The following WDR20 variants were observed in gnomAD, a reference collection of about 807,000 sequenced individuals.
WDR20 encodes the protein WD repeat domain 20, also known as WD repeat-containing protein 20.
Under a neutral mutation model 38.7 loss-of-function variants are expected in WDR20, and 3 were observed. That is an observed-to-expected ratio of 0.08 (90% CI 0.04 to 0.20). The LOEUF is 0.20. Among genes scored for constraint, WDR20 ranks in the 10% least tolerant of loss-of-function variants. The pLI is 1.00. For missense variants in WDR20, 559 were observed against 727.7 expected (o/e 0.77, Z 2.67); for synonymous variants, 298 against 285.6 (o/e 1.04, Z -0.44).
In WDR20 at chr14:102,141,865, A is replaced by G. The variant is rs1434281160; in HGVS notation, c.249+1693A>G. Among the ~76,000 whole-genome samples the G allele has an allele frequency of 2.0e-5, 3 of 152,322 alleles. No homozygotes were observed. In the East Asian group the frequency reaches 5.8e-4, roughly 29 times the overall value. On this transcript the variant is annotated intron_variant, in intron 1 of 2. Coordinates refer to ENST00000342702, the MANE Select transcript of WDR20 (RefSeq NM_144574.4). ...TTTATATAAAAATACGATGTGCTTA[A>G]AAACTAAATTCACTAACTAGCAATT...
At chr14:102,143,263 G>A (rs1035224859) in intron 1 of WDR20, among the ~76,000 whole-genome samples, 1 of 152,076 alleles carries the variant, frequency 6.6e-6, no homozygotes, top group South Asian at 2.1e-4. Flanking sequence ...AATCTACCCC[G>A]GCATTTTGCC....
At chr14:102,156,576 G>T (rs1263802721) in intron 1 of WDR20, among the ~76,000 whole-genome samples, 1 of 150,712 alleles carries the variant, frequency 6.6e-6, no homozygotes, top group Non-Finnish European at 1.5e-5. Context: ...TTTGGAAACC[G>T]GGTCTCACTG....
At chr14:102,211,581 G>T (rs1419202137), downstream of WDR20, among the ~76,000 whole-genome samples, 1 of 152,208 alleles carries the variant, frequency 6.6e-6, no homozygotes, top group African/African-American at 2.4e-5. This position sits in a 1 kb window ranked among gnomAD's most constrained non-coding sequence, Gnocchi z 4.2. Flanking sequence ...ACATCCCTGA[G>T]CACTGCTCCT....
At chr14:102,199,819 CT>C (rs2059998101) in intron 2 of WDR20, among the ~76,000 whole-genome samples, 2 of 152,184 alleles carry the variant, frequency 1.3e-5, no homozygotes, top group Non-Finnish European at 2.9e-5. Context: ...GATTTTCCCC[CT>C]GTCAATTAAA....
At chr14:102,169,166 GCTCTGCTTAGAATCCTTAGCCC>G in intron 1 of WDR20, among the ~76,000 whole-genome samples, 1 of 151,964 alleles carries the variant, frequency 6.6e-6, no homozygotes, top group East Asian at 1.9e-4. Context: ...AATGGTACAC[GCTCTGCTTAGAATCCTTAGCCC>G]CTCTGCTTAG....
intron 1 of WDR20, among the ~76,000 whole-genome samples, chr14:102,140,781 G>A (rs1208487912): frequency 6.6e-6 from 1 of 152,190 alleles, no homozygotes; most frequent in East Asian, 1.9e-4. Flanking sequence ...GGCTGTCACT[G>A]TCTCCGCCGT....
chr14:102,141,164 G>A (rs2152650803), intron 1 of WDR20, among the ~76,000 whole-genome samples: 1 of 152,310 alleles, frequency 6.6e-6, no homozygotes, highest in East Asian at 1.9e-4. Context: ...TTGACTTGAT[G>A]TCATGGAAGA....
In WDR20 at chr14:102,222,835, A is replaced by C; in HGVS notation, c.1698A>C (p.Ser566=). ...GTAGACTGCTTTGTTTGCAGGGCTC[A>C]TTGTCATCCCCAAGCCAGGCCAGTT... The change falls in exon 4 of 4, where the codon TCA becomes TCC. Residue 566 remains serine, a synonymous_variant. Coordinates refer to the WDR20 transcript ENST00000335263. This position sits in a 1 kb window ranked among gnomAD's most constrained non-coding sequence, Gnocchi z 4.4. 8 of 1,614,188 alleles carry C rather than the reference A, an allele frequency of 5.0e-6. No homozygotes were observed. The highest frequency in any genetic ancestry group is 6.8e-6 in the Non-Finnish European group (8 of 1,180,018).
rs761317546 is a variant in WDR20, at chr14:102,209,014, G to A, written c.844G>A (p.Glu282Lys). Residue 282 changes from glutamate (E) to lysine (K), a missense_variant, in exon 3 of 3, where the codon GAG (glutamate) becomes AAG (lysine). Coordinates refer to ENST00000342702, the MANE Select transcript of WDR20 (RefSeq NM_144574.4). The surrounding 1 kb of genome is among the most constrained non-coding windows in gnomAD (Gnocchi z 6.0). ...PDGKYIVTGG[E>K]DDLVTVWSFV... ...TGGCAAGTACATCGTGACAGGTGGGGAGGACGACTTGGTGACAGTCTGGTC... is the reference window on the plus strand; with the variant it reads ...TGGCAAGTACATCGTGACAGGTGGGAAGGACGACTTGGTGACAGTCTGGTC... 2.5e-6 allele frequency: 4 copies of A among 1,613,980 alleles called. No individual in the cohort carries two copies. The highest frequency in any genetic ancestry group is 1.3e-5 in the African/African-American group (1 of 74,856).
intron 1 of WDR20, among the ~76,000 whole-genome samples, chr14:102,170,801 A>C (rs752542786): frequency 2.0e-5 from 3 of 151,646 alleles, no homozygotes; most frequent in African/African-American, 4.9e-5. Context: ...CTTTTTATAT[A>C]AATTAGCCCT....
At chr14:102,215,440 C>T (rs1258491489), downstream of WDR20, among the ~76,000 whole-genome samples, 2 of 152,106 alleles carry the variant, frequency 1.3e-5, no homozygotes, top group Non-Finnish European at 2.9e-5. Context: ...GAGAAGGTAG[C>T]GGCTGGTAGG....
At chr14:102,215,219 A>G, downstream of WDR20, among the ~76,000 whole-genome samples, 1 of 152,190 alleles carries the variant, frequency 6.6e-6, no homozygotes, top group East Asian at 1.9e-4. Flanking sequence ...ATACTGTTTT[A>G]TGTGGTCCTC....
Position 102,160,967 on chromosome 14 carries a change from A to AAG in WDR20, c.249+20795_249+20796insAG, listed in dbSNP as rs1555377292. 1.9e-3 allele frequency among the ~76,000 whole-genome samples: 269 copies of AAG among 144,484 alleles called. 5 individuals carry two copies. Among genetic ancestry groups the AAG allele is most frequent in the African/African-American group, 6.5e-3 (256 of 39,272 alleles). 94.8% of individuals were successfully genotyped at this position (144,484 alleles called of 152,430 possible). On this transcript the variant is annotated intron_variant, in intron 1 of 2. Transcript: ENST00000342702. ...TGTCTCAAAAAAAAAAAAAAAAAAA[A>AAG]GAATAATGCTGCAGTGAATAACCTC...
chr14:102,186,989 C>T (rs2064974642), intron 1 of WDR20, among the ~76,000 whole-genome samples: 1 of 151,746 alleles, frequency 6.6e-6, no homozygotes, highest in Non-Finnish European at 1.5e-5. Context: ...ACCTGCGGAA[C>T]AGTCTTTGCA....
chr14:102,215,086 C>A, downstream of WDR20: 1 of 769,514 alleles, frequency 1.3e-6, no homozygotes, highest in Non-Finnish European at 1.6e-6. Flanking sequence ...TTTTTAAATG[C>A]TGTAAAATTA....
chr14:102,147,639 A>G (rs2054115685), intron 1 of WDR20, among the ~76,000 whole-genome samples: 2 of 152,040 alleles, frequency 1.3e-5, no homozygotes, highest in East Asian at 3.8e-4. Context: ...TTTGATGGCA[A>G]ACTTGAGCTT....
intron 1 of WDR20, among the ~76,000 whole-genome samples, chr14:102,143,167 T>G (rs1363057600): frequency 4.6e-5 from 7 of 152,090 alleles, no homozygotes; most frequent in Non-Finnish European, 1.0e-4. Flanking sequence ...GTAAGGAAAA[T>G]GAAGCACAGC....
At chr14:102,199,825 A>G (rs1047696904) in intron 2 of WDR20, among the ~76,000 whole-genome samples, 3 of 152,246 alleles carry the variant, frequency 2.0e-5, no homozygotes, top group African/African-American at 4.8e-5. Context: ...CCCCCTGTCA[A>G]TTAAAAATTG....
chr14:102,219,473 C>T (rs1396385112), downstream of WDR20, among the ~76,000 whole-genome samples: 2 of 152,258 alleles, frequency 1.3e-5, no homozygotes, highest in Non-Finnish European at 2.9e-5. Context: ...CCAGCACACT[C>T]CAGGGCTTGT....
Sources: gnomAD v4.1 joint callset for allele counts (sites outside exome capture counted in the v4.1 genomes callset) on GRCh38, gnomAD v4.1.1 for gene constraint, Gnocchi (gnomAD v3.1) non-coding constraint, MANE v1.5 for transcripts, NCBI Gene and HGNC (gene_info 2026-07-23, HGNC 2026-07-21) for gene names.